FXR1: variants seen among roughly 807,000 people sequenced by gnomAD.
FXR1 encodes the protein FMR1 autosomal homolog 1, also known as RNA-binding protein FXR1.
A neutral mutation model predicts 84.0 loss-of-function variants in FXR1; 15 were observed. The observed-to-expected ratio is 0.18, with a 90% CI of 0.12 to 0.27. FXR1 has a LOEUF of 0.27. Ranked by LOEUF, FXR1 falls within the 10% of genes least tolerant of loss-of-function variation. The pLI is 1.00. For synonymous variants in FXR1, 245 were observed against 250.7 expected (o/e 0.98, Z 0.21); for missense variants, 480 against 774.4 (o/e 0.62, Z 4.51).
intron 1 of FXR1, among the ~76,000 whole-genome samples, chr3:180,926,506 A>ATATATATATTTT (rs72192827): frequency 4.8e-5 from 6 of 124,392 alleles, no homozygotes; most frequent in East Asian, 2.2e-4. Flanking sequence ...ATATATATAT[A>ATATATATATTTT]TTTTTTTTTC....
Position 180,981,616 on chromosome 3 carries a change from A to AGAT in FXR1, c.*5325_*5327dup, listed in dbSNP as rs1355843931. ...TATTGAGGTCTAATGTGAAGGCTATAGATAGGAATTCCCCACAAACTTCTA... is the reference window on the plus strand; with the variant it reads ...TATTGAGGTCTAATGTGAAGGCTATAGATGATAGGAATTCCCCACAAACTTCTA... On this transcript the variant is annotated 3_prime_UTR_variant, in exon 17 of 17. Transcript: ENST00000357559. 2 of 152,006 alleles carry AGAT rather than the reference A, an allele frequency of 1.3e-5. No individual in the cohort carries two copies. Among genetic ancestry groups the AGAT allele is most frequent in the African/African-American group, 4.8e-5 (2 of 41,362 alleles). The allele number at this position is 152,006 out of a possible 1,614,324, so 9.4% of individuals were successfully genotyped here.
intron 15 of FXR1, among the ~76,000 whole-genome samples, chr3:180,972,732 A>G (rs556435324): frequency 6.6e-6 from 1 of 152,286 alleles, no homozygotes; most frequent in South Asian, 2.1e-4. Context: ...TTTGACAATG[A>G]TTTCTGTTCC....
In FXR1 at chr3:180,976,190, C is replaced by T. The variant is rs765240173; in HGVS notation, c.1764C>T (p.Gly588=). The change falls in exon 17 of 17, where the codon GGC becomes GGT. Residue 588 remains glycine, a synonymous_variant. Transcript: ENST00000357559. ...TAAACGGCCCAACTAGTGCTTCTGG[C>T]GATGACATTTCTAAGCTACAGCGTA... ...KAINGPTSAS[G]DDISKLQRTP... 7 of 1,611,848 alleles carry T rather than the reference C, an allele frequency of 4.3e-6. No homozygotes were observed. The Admixed American group carries it at 5.0e-5, about 12-fold the overall frequency.
Position 180,981,115 on chromosome 3 carries a change from C to G in FXR1, c.*4823C>G, listed in dbSNP as rs1254159189. The G allele has an allele frequency of 4.6e-5, 7 of 151,872 alleles. No homozygotes were observed. The highest frequency in any genetic ancestry group is 1.7e-4 in the African/African-American group (7 of 41,356). 9.4% of individuals were successfully genotyped at this position (151,872 alleles called of 1,614,324 possible). On this transcript the variant is annotated 3_prime_UTR_variant, in exon 17 of 17. Transcript: ENST00000357559. ...CAAAACCTTTTTTTTAGGTCACTGT[C>G]AACAGAAAGATGCCTTATAGAATTT...
chr3:180,931,860 C>G (rs1314650793), intron 1 of FXR1, among the ~76,000 whole-genome samples: 1 of 150,706 alleles, frequency 6.6e-6, no homozygotes, highest in Non-Finnish European at 1.5e-5. Context: ...CCCGCCTCAG[C>G]CTTCCAAGTA....
At position 180,949,334 on chromosome 3, in the gene FXR1, G is replaced by A. The variant is rs370062138; in HGVS notation, c.621G>A (p.Lys207=). The stretch of plus-strand genomic sequence containing the variant: ...TGTCCAGAAATGAAGAGGCCACTAA[G>A]CATTTAGAAGTAAGTGGGTTTACTT... ...MLMSRNEEAT[K]HLECTKQLAA... The change falls in exon 7 of 17, where the codon AAG becomes AAA. Residue 207 remains lysine, a synonymous_variant. Coordinates refer to ENST00000357559, the MANE Select transcript of FXR1 (RefSeq NM_005087.4). 176 of 1,442,752 alleles carry A rather than the reference G, an allele frequency of 1.2e-4. No homozygotes were observed. Among genetic ancestry groups the A allele is most frequent in the Non-Finnish European group, 1.7e-4 (169 of 1,023,294 alleles). 89.4% of individuals were successfully genotyped at this position (1,442,752 alleles called of 1,614,324 possible).
At chr3:180,914,232 TTTG>T (rs1344007671) in intron 1 of FXR1, among the ~76,000 whole-genome samples, 3 of 152,182 alleles carry the variant, frequency 2.0e-5, no homozygotes, top group African/African-American at 7.2e-5. Flanking sequence ...TTAATTGACT[TTTG>T]TTGTTATTGA....
intron 15 of FXR1, among the ~76,000 whole-genome samples, chr3:180,972,862 C>G (rs1332324926): frequency 6.6e-6 from 1 of 152,196 alleles, no homozygotes; most frequent in Non-Finnish European, 1.5e-5. Flanking sequence ...AAGCACAAAA[C>G]TGTTAACCCT....
intron 3 of FXR1, among the ~76,000 whole-genome samples, chr3:180,943,320 G>GCTGGAGGGCAGC (rs1297089275): frequency 7.3e-6 from 1 of 137,012 alleles, no homozygotes. Context: ...TGTCATCCAG[G>GCTGGAGGGCAGC]CTGGAGGGCA....
chr3:180,930,047 C>T (rs1436122213), intron 1 of FXR1, among the ~76,000 whole-genome samples: 4 of 152,186 alleles, frequency 2.6e-5, no homozygotes, highest in African/African-American at 4.8e-5. Context: ...GGGCGGATCA[C>T]GAGGTCGGAG....
intron 3 of FXR1, among the ~76,000 whole-genome samples, chr3:180,939,163 A>C (rs1005123010): frequency 1.3e-5 from 2 of 151,908 alleles, no homozygotes; most frequent in African/African-American, 2.4e-5. Flanking sequence ...CAAAGTGCTG[A>C]GATTATAGGC....
At chr3:180,944,608 T>C (rs1414959264) in intron 3 of FXR1, among the ~76,000 whole-genome samples, 1 of 152,162 alleles carries the variant, frequency 6.6e-6, no homozygotes, top group Non-Finnish European at 1.5e-5. Context: ...ATTACAGGCA[T>C]GAGCCACTGT....
At position 180,979,318 on chromosome 3, in the gene FXR1, G is replaced by A. The variant is rs1714492890; in HGVS notation, c.*3026G>A. On this transcript the variant is annotated 3_prime_UTR_variant, in exon 17 of 17. Transcript: ENST00000357559. ...ACATGGAAAACAGGCTATGTCCAGG[G>A]ACAGATGATTGGTGGTTAAGAATTA... 1 of 152,068 alleles carries A rather than the reference G, an allele frequency of 6.6e-6. No individual in the cohort carries two copies. Among genetic ancestry groups the A allele is most frequent in the African/African-American group, 2.4e-5 (1 of 41,434 alleles). The allele number at this position is 152,068 out of a possible 1,614,324, so 9.4% of individuals were successfully genotyped here.
intron 9 of FXR1, among the ~76,000 whole-genome samples, chr3:180,956,832 C>T (rs1344661309): frequency 7.2e-5 from 11 of 152,048 alleles, no homozygotes; most frequent in Non-Finnish European, 1.3e-4. Context: ...CTACTGTTGT[C>T]GTTCTTATTC....
intron 1 of FXR1, among the ~76,000 whole-genome samples, chr3:180,913,888 T>C (rs1717553290): frequency 6.6e-6 from 1 of 152,218 alleles, no homozygotes; most frequent in Non-Finnish European, 1.5e-5. Context: ...CTCACAGGTT[T>C]TCATTTCAGC....
At position 180,955,368 on chromosome 3, in the gene FXR1, A is replaced by G. The variant is rs182865567; in HGVS notation, c.880+1528A>G. Among the ~76,000 whole-genome samples, 285 of 152,200 alleles carry G rather than the reference A, an allele frequency of 1.9e-3. 2 individuals carry two copies. Among genetic ancestry groups the G allele is most frequent in the Admixed American group, 0.015 (223 of 15,278 alleles). On this transcript the variant is annotated intron_variant, in intron 9 of 16. Transcript: ENST00000357559. ...CATTACTGCCAATTGTGTAAGCTCT[A>G]CTTTATTAGTTCTTGGTATACCGTT...
rs529783282 is a variant in FXR1 at position 180,963,101 on chromosome 3, ATT to A, written c.1198+28_1198+29del. The A allele has an allele frequency of 0.014, 11,285 of 834,792 alleles. No homozygotes were observed. Among genetic ancestry groups the A allele is most frequent in the Admixed American group, 0.022 (872 of 39,790 alleles). 51.7% of individuals were successfully genotyped at this position (834,792 alleles called of 1,614,324 possible). ...ACACCTCCGGTTATGGTAAAAAAAA[ATT>A]TTTTTTTTTTTTTTTTGGTAATAGT... On this transcript the variant is annotated intron_variant, in intron 13 of 16. Coordinates refer to ENST00000357559, the MANE Select transcript of FXR1 (RefSeq NM_005087.4).
chr3:180,915,324 G>C, intron 1 of FXR1: 1 of 553,144 alleles, frequency 1.8e-6, no homozygotes, highest in Non-Finnish European at 3.2e-6. Flanking sequence ...CCAAATTTCC[G>C]TCATGCCCTT....
chr3:180,948,200 C>G (rs1018504609), intron 4 of FXR1, 147 bp from the exon 5 acceptor site: 9 of 648,022 alleles, frequency 1.4e-5, no homozygotes, highest in Non-Finnish European at 2.4e-5. Context: ...TTAGGCAAAT[C>G]AGATTGATGT....
Sources: gnomAD v4.1 joint callset for allele counts (sites outside exome capture counted in the v4.1 genomes callset) on GRCh38, gnomAD v4.1.1 for gene constraint, MANE v1.5 for transcripts, NCBI Gene and HGNC (gene_info 2026-07-23, HGNC 2026-07-21) for gene names.